Variants in PXN observed in about 807,000 individuals in gnomAD.
The protein encoded by PXN is paxillin, also known as testicular tissue protein Li 134.
PXN carries 61 observed loss-of-function variants against 103.6 expected under a neutral mutation model. The ratio of observed to expected loss-of-function variants is 0.59; its 90% CI spans 0.48 to 0.73. The LOEUF is 0.73. PXN is among the 30% of genes least tolerant of loss of function. The pLI, the probability that PXN is intolerant of heterozygous loss-of-function variation, is 0.00. For missense variants in PXN, 1,274 were observed against 1,460.3 expected (o/e 0.87, Z 2.08); for synonymous variants, 562 against 607.8 (o/e 0.92, Z 1.11).
chr12:120,241,819 C>T (rs956101040), intron 1 of PXN, among the ~76,000 whole-genome samples: 1 of 152,202 alleles, frequency 6.6e-6, no homozygotes, highest in Non-Finnish European at 1.5e-5. Flanking sequence ...GGAAGGCGGT[C>T]AGCAGCGGAA....
intron 1 of PXN, among the ~76,000 whole-genome samples, chr12:120,251,295 A>G (rs1892131494): frequency 6.6e-6 from 1 of 150,800 alleles, no homozygotes; most frequent in Non-Finnish European, 1.5e-5. Flanking sequence ...AGGCAGGTGG[A>G]TCACTTGAGG....
rs1406653560 is a variant in PXN, at chr12:120,265,404, C to T, written c.13+213G>A. Among the ~76,000 whole-genome samples the T allele has an allele frequency of 6.6e-6, 1 of 152,006 alleles. No homozygotes were observed. Among genetic ancestry groups the T allele is most frequent in the Non-Finnish European group, 1.5e-5 (1 of 67,974 alleles). The stretch of plus-strand genomic sequence containing the variant: ...GGTGAAGCCGTCCCAGACGGGGGGT[C>T]GCTGCTGTGCGGTCGGTGCCGGGGC... On this transcript the variant is annotated intron_variant, in intron 1 of 14. Coordinates refer to ENST00000637617, the MANE Select transcript of PXN (RefSeq NM_001385981.1). The surrounding 1 kb of genome is among the most constrained non-coding windows in gnomAD (Gnocchi z 5.7).
chr12:120,258,745 CT>C (rs566623125), intron 1 of PXN, among the ~76,000 whole-genome samples: 3 of 152,194 alleles, frequency 2.0e-5, no homozygotes, highest in Non-Finnish European at 2.9e-5. Context: ...TGTGTATATC[CT>C]TTTTTTCATT....
At chr12:120,245,655 G>C (rs1307129489) in intron 1 of PXN, among the ~76,000 whole-genome samples, 1 of 151,656 alleles carries the variant, frequency 6.6e-6, no homozygotes, top group Non-Finnish European at 1.5e-5. Context: ...GGGTGTTGTG[G>C]CGGGCACCTG....
intron 1 of PXN, among the ~76,000 whole-genome samples, chr12:120,262,018 C>T (rs942074743): frequency 1.2e-4 from 19 of 152,160 alleles, no homozygotes; most frequent in Admixed American, 1.1e-3. Context: ...GTAAATGCCG[C>T]CTCTGCCACA....
chr12:120,251,774 G>T (rs1473165581), intron 1 of PXN, among the ~76,000 whole-genome samples: 2 of 152,138 alleles, frequency 1.3e-5, no homozygotes, highest in Admixed American at 6.6e-5. Context: ...CCAAGATTGT[G>T]CCACTGTACT....
At chr12:120,226,808 T>C in intron 1 of PXN, 1 of 1,023,924 alleles carries the variant, frequency 9.8e-7, no homozygotes, top group African/African-American at 1.7e-5. Context: ...TCAGGGCCTG[T>C]TGTCTCAGTA....
chr12:120,253,406 G>C (rs888320164), intron 1 of PXN, among the ~76,000 whole-genome samples: 2 of 152,140 alleles, frequency 1.3e-5, no homozygotes, highest in African/African-American at 2.4e-5. Context: ...CCCAGAGGCG[G>C]AGGTTGCAGT....
At chr12:120,254,766 G>A (rs557868531) in intron 1 of PXN, among the ~76,000 whole-genome samples, 1 of 152,260 alleles carries the variant, frequency 6.6e-6, no homozygotes, top group Admixed American at 6.5e-5. Context: ...GGCCAGGCTG[G>A]TCTTGATCTC....
At chr12:120,257,148 C>A (rs549810300) in intron 1 of PXN, among the ~76,000 whole-genome samples, 5 of 152,180 alleles carry the variant, frequency 3.3e-5, no homozygotes, top group Admixed American at 1.3e-4. Flanking sequence ...GGTTCCACCC[C>A]CCTTGCTCCA....
rs1018817382 is a variant in PXN at position 120,228,207 on chromosome 12, C to T, written c.14-3830G>A. On this transcript the variant is annotated intron_variant, in intron 1 of 14. Transcript: ENST00000637617. The surrounding 1 kb of genome is among the most constrained non-coding windows in gnomAD (Gnocchi z 4.7). Reference sequence around the variant, plus strand: ...CAAGCTAAGAAAGGCCTCAAATTTCCTTGGCATTACTCTACTAAGTTTCCA... The same window carrying T: ...CAAGCTAAGAAAGGCCTCAAATTTCTTTGGCATTACTCTACTAAGTTTCCA... Among the ~76,000 whole-genome samples, 2 of 152,240 alleles carry T rather than the reference C, an allele frequency of 1.3e-5. No individual in the cohort carries two copies. Among genetic ancestry groups the T allele is most frequent in the Non-Finnish European group, 2.9e-5 (2 of 68,048 alleles).
At chr12:120,244,442 C>G (rs914028629) in intron 1 of PXN, among the ~76,000 whole-genome samples, 2 of 151,700 alleles carry the variant, frequency 1.3e-5, no homozygotes, top group Non-Finnish European at 2.9e-5. Flanking sequence ...GTCAGGAGAT[C>G]GAGACCATCC....
At position 120,222,515 on chromosome 12, in the gene PXN, T is replaced by C; in HGVS notation, c.695+34A>G. On this transcript the variant is annotated intron_variant, in intron 5 of 14. Coordinates refer to ENST00000637617, the MANE Select transcript of PXN (RefSeq NM_001385981.1). The surrounding 1 kb of genome is among the most constrained non-coding windows in gnomAD (Gnocchi z 4.7). The stretch of plus-strand genomic sequence containing the variant: ...GACCCGGGGCAGGCTGGGCCAGCCC[T>C]TCCCCACCTGGGGAGGGCCCAGTGG... 1 of 1,558,542 alleles carries C rather than the reference T, an allele frequency of 6.4e-7. No individual in the cohort carries two copies. Among genetic ancestry groups the C allele is most frequent in the Non-Finnish European group, 8.7e-7 (1 of 1,151,444 alleles).
chr12:120,224,106 G>A lies in PXN; in HGVS notation c.240+45C>T, dbSNP rs1270847076. 3 of 1,435,784 alleles carry A rather than the reference G, an allele frequency of 2.1e-6. No homozygotes were observed. Among genetic ancestry groups the A allele is most frequent in the Admixed American group, 4.4e-5 (2 of 45,836 alleles). 88.9% of individuals were successfully genotyped at this position (1,435,784 alleles called of 1,614,324 possible). The stretch of plus-strand genomic sequence containing the variant: ...AGCCCCTGCCAGCTAAGTTCCCTCT[G>A]TCCCCCAGCCTCCTTGGCCTTCCCA... On this transcript the variant is annotated intron_variant, in intron 2 of 14. Coordinates refer to ENST00000637617, the MANE Select transcript of PXN (RefSeq NM_001385981.1). This position sits in a 1 kb window ranked among gnomAD's most constrained non-coding sequence, Gnocchi z 5.0.
intron 1 of PXN, among the ~76,000 whole-genome samples, chr12:120,259,121 G>A (rs1893470520): frequency 6.6e-6 from 1 of 151,262 alleles, no homozygotes; most frequent in Non-Finnish European, 1.5e-5. Context: ...GCCAGGTGGG[G>A]TAGCTCACAC....
intron 1 of PXN, chr12:120,227,169 C>T: frequency 1.0e-6 from 1 of 989,250 alleles, no homozygotes; most frequent in Middle Eastern, 5.2e-4. Flanking sequence ...TAGCATGTCC[C>T]AGCCTGGGCA....
chr12:120,254,009 T>C (rs1327302842), intron 1 of PXN, among the ~76,000 whole-genome samples: 2 of 152,168 alleles, frequency 1.3e-5, no homozygotes, highest in Admixed American at 6.6e-5. Flanking sequence ...GGCTCCCAAG[T>C]GGCTGAGACT....
chr12:120,219,066 T>C lies in PXN; in HGVS notation c.1716+141A>G. On this transcript the variant is annotated intron_variant, in intron 7 of 14. Coordinates refer to ENST00000637617, the MANE Select transcript of PXN (RefSeq NM_001385981.1). This position sits in a 1 kb window ranked among gnomAD's most constrained non-coding sequence, Gnocchi z 6.5. ...AGAGCCCACTGCCAAGTGCTGACTG[T>C]CAGGTCCGGCCACAGTGTCTCAGCA... The C allele has an allele frequency of 1.1e-6, 1 of 924,072 alleles. No individual in the cohort carries two copies. Among genetic ancestry groups the C allele is most frequent in the Non-Finnish European group, 1.6e-6 (1 of 640,356 alleles). 57.2% of individuals were successfully genotyped at this position (924,072 alleles called of 1,614,324 possible). A position where few individuals can be genotyped will look rare whatever the true frequency, so the allele number is the denominator to read the frequency against.
At chr12:120,261,311 C>T (rs1893849754) in intron 1 of PXN, among the ~76,000 whole-genome samples, 1 of 152,198 alleles carries the variant, frequency 6.6e-6, no homozygotes, top group South Asian at 2.1e-4. Flanking sequence ...CTGCCTCAGC[C>T]TCCTGAGTAG....
Sources: allele counts gnomAD v4.1 joint callset (sites outside exome capture counted in the v4.1 genomes callset), GRCh38; gene constraint gnomAD v4.1.1; non-coding constraint Gnocchi (gnomAD v3.1); transcripts MANE v1.5; gene names NCBI Gene and HGNC (gene_info 2026-07-23, HGNC 2026-07-21).